Variants in C5orf24 observed in about 807,000 individuals in gnomAD.
C5orf24 encodes chromosome 5 open reading frame 24, also known as UPF0461 protein C5orf24.
Under a neutral mutation model 9.8 loss-of-function variants are expected in C5orf24, and 4 were observed. The observed-to-expected ratio is 0.41, with a 90% CI of 0.20 to 0.93. C5orf24 has a LOEUF of 0.93. C5orf24 is among the 40% of genes least tolerant of loss of function. C5orf24 has a pLI of 0.33. For missense variants in C5orf24, 170 were observed against 236.9 expected (o/e 0.72, Z 1.85); for synonymous variants, 73 against 81.3 (o/e 0.90, Z 0.55).
chr5:134,837,056 C>G, the C5orf24 span, among the ~76,000 whole-genome samples: 1 of 152,096 alleles, frequency 6.6e-6, no homozygotes, highest in Non-Finnish European at 1.5e-5. Flanking sequence ...TCACTGCAAC[C>G]TCCGCCTCCC....
chr5:134,839,291 G>C, the C5orf24 span, among the ~76,000 whole-genome samples: 1 of 151,906 alleles, frequency 6.6e-6, no homozygotes, highest in Admixed American at 6.6e-5. Context: ...CCAATGATAT[G>C]TTTGATTGTC....
In C5orf24 at chr5:134,855,601, G is replaced by A. The variant is rs1756290302; in HGVS notation, c.*134G>A. On this transcript the variant is annotated 3_prime_UTR_variant, in exon 2 of 2. Transcript: ENST00000394976. ...TGTTTTCCTGTTTGGTTTTTTTCCT[G>A]CTTTTGCTCAAAAACTGCCATATGC... 1 of 1,474,560 alleles carries A rather than the reference G, an allele frequency of 6.8e-7. No homozygotes were observed. Among genetic ancestry groups the A allele is most frequent in the African/African-American group, 1.4e-5 (1 of 70,146 alleles). 91.3% of individuals were successfully genotyped at this position (1,474,560 alleles called of 1,614,324 possible). A position where few individuals can be genotyped will look rare whatever the true frequency, so the allele number is the denominator to read the frequency against.
At chr5:134,838,007 G>A in the C5orf24 span, among the ~76,000 whole-genome samples, 1 of 152,112 alleles carries the variant, frequency 6.6e-6, no homozygotes. Flanking sequence ...AGCACTTTGC[G>A]AGGCAGTGGC....
chr5:134,847,858 C>T (rs985497898), intron 1 of C5orf24, among the ~76,000 whole-genome samples: 34 of 152,230 alleles, frequency 2.2e-4, no homozygotes, highest in African/African-American at 7.9e-4. Context: ...CGCCACCATG[C>T]CTGACTAATT....
Position 134,850,919 on chromosome 5 carries a change from CATATATAT to C in C5orf24, c.-3-3967_-3-3960del, listed in dbSNP as rs201093286. ...AGTTCTCTGATAGATTATGAATGTT[CATATATAT>C]ATATATATATACACACACACACACA... On this transcript the variant is annotated intron_variant, in intron 1 of 1. Transcript: ENST00000394976. Among the ~76,000 whole-genome samples the C allele has an allele frequency of 5.1e-3, 714 of 140,488 alleles. 5 individuals are homozygous for C. Among genetic ancestry groups the C allele is most frequent in the Non-Finnish European group, 7.7e-3 (503 of 65,498 alleles). The allele number at this position is 140,488 out of a possible 152,430, so 92.2% of individuals were successfully genotyped here.
rs184054742 is a variant in C5orf24, at chr5:134,856,003, T to G, written c.*536T>G. The G allele has an allele frequency of 2.9e-5, 29 of 1,002,154 alleles. No individual in the cohort carries two copies. In the East Asian group the frequency reaches 2.7e-3, roughly 94 times the overall value. The allele number at this position is 1,002,154 out of a possible 1,614,324, so 62.1% of individuals were successfully genotyped here. On this transcript the variant is annotated 3_prime_UTR_variant, in exon 2 of 2. Coordinates refer to ENST00000394976, the MANE Select transcript of C5orf24 (RefSeq NM_001135586.1). ...ACATCCACTTCAAATGTTAAAAAAC[T>G]TATTTTTAATGTTTTAGGTTTAAGC...
At chr5:134,837,572 G>T in the C5orf24 span, among the ~76,000 whole-genome samples, 3 of 151,856 alleles carry the variant, frequency 2.0e-5, no homozygotes, top group Admixed American at 6.6e-5. Flanking sequence ...AGGCCTTTGG[G>T]AGGTGATTAT....
chr5:134,837,330 T>G, the C5orf24 span, among the ~76,000 whole-genome samples: 1 of 152,196 alleles, frequency 6.6e-6, no homozygotes, highest in Non-Finnish European at 1.5e-5. Context: ...CTTAGGATTG[T>G]TATGAGGATG....
chr5:134,856,949 G>C lies in C5orf24; in HGVS notation c.*1482G>C. ...AATTAAAAATCTTATTGTGGGTCCAGTGAGACCATCTCATCCAAAAGATTT... is the reference window on the plus strand; with the variant it reads ...AATTAAAAATCTTATTGTGGGTCCACTGAGACCATCTCATCCAAAAGATTT... On this transcript the variant is annotated 3_prime_UTR_variant, in exon 2 of 2. Coordinates refer to ENST00000394976, the MANE Select transcript of C5orf24 (RefSeq NM_001135586.1). 1.0e-6 allele frequency: 1 copy of C among 1,004,118 alleles called. No homozygotes were observed. Among genetic ancestry groups the C allele is most frequent in the Non-Finnish European group, 1.2e-6 (1 of 832,726 alleles). The allele number at this position is 1,004,118 out of a possible 1,614,324, so 62.2% of individuals were successfully genotyped here.
At chr5:134,850,638 A>G (rs1324016792) in intron 1 of C5orf24, among the ~76,000 whole-genome samples, 2 of 150,912 alleles carry the variant, frequency 1.3e-5, no homozygotes, top group African/African-American at 4.9e-5. Context: ...ACACCAGGCT[A>G]ATTTTTTTTT....
rs931692450 is a variant in C5orf24, at chr5:134,846,097, C to T, written c.-119C>T. The stretch of plus-strand genomic sequence containing the variant: ...TCGCTGCCTGCCACTCCGTCTTGGC[C>T]CGTTCTCCGCACCGTGCAGAGGCGG... On this transcript the variant is annotated 5_prime_UTR_variant, in exon 1 of 2. Transcript: ENST00000394976. 6 of 152,376 alleles carry T rather than the reference C, an allele frequency of 3.9e-5. No individual in the cohort carries two copies. The highest frequency in any genetic ancestry group is 7.3e-5 in the Non-Finnish European group (5 of 68,162). The allele number at this position is 152,376 out of a possible 1,614,324, so 9.4% of individuals were successfully genotyped here. A position where few individuals can be genotyped will look rare whatever the true frequency, so the allele number is the denominator to read the frequency against.
At chr5:134,835,506 G>A in the C5orf24 span, among the ~76,000 whole-genome samples, 3 of 152,200 alleles carry the variant, frequency 2.0e-5, no homozygotes, top group Non-Finnish European at 4.4e-5. Flanking sequence ...AATTAGTAGG[G>A]CATGGTGGCA....
rs962175621 is a variant in C5orf24 at position 134,846,017 on chromosome 5, C to G, written c.-199C>G. ...CTTCGTACTGCGTCCGGGGCAGGAC[C>G]GTGCGCGGCGGCCGCGGCGGGTGCT... On this transcript the variant is annotated 5_prime_UTR_variant, in exon 1 of 2. Coordinates refer to ENST00000394976, the MANE Select transcript of C5orf24 (RefSeq NM_001135586.1). 63 of 152,310 alleles carry G rather than the reference C, an allele frequency of 4.1e-4. No individual in the cohort carries two copies. Among genetic ancestry groups the G allele is most frequent in the African/African-American group, 1.2e-3 (48 of 41,468 alleles). 9.4% of individuals were successfully genotyped at this position (152,310 alleles called of 1,614,324 possible). A position where few individuals can be genotyped will look rare whatever the true frequency, so the allele number is the denominator to read the frequency against.
chr5:134,850,605 T>C (rs1435000349), intron 1 of C5orf24, among the ~76,000 whole-genome samples: 1 of 152,032 alleles, frequency 6.6e-6, no homozygotes, highest in African/African-American at 2.4e-5. Flanking sequence ...CCCGAGTAGC[T>C]GGGATTACAG....
intron 1 of C5orf24, among the ~76,000 whole-genome samples, chr5:134,849,622 C>A (rs1047027823): frequency 6.9e-6 from 1 of 144,828 alleles, no homozygotes; most frequent in Non-Finnish European, 1.5e-5. Context: ...AGAAGCCCTG[C>A]ACTTCAGAAA....
intron 1 of C5orf24, among the ~76,000 whole-genome samples, chr5:134,849,926 G>A (rs1756109075): frequency 6.6e-6 from 1 of 151,916 alleles, no homozygotes; most frequent in African/African-American, 2.4e-5. Flanking sequence ...CCAAAGTGCT[G>A]GGAGTACAGG....
rs2150178071 is a variant in C5orf24, at chr5:134,857,912, T to C, written c.*2445T>C. 1 of 167,238 alleles carries C rather than the reference T, an allele frequency of 6.0e-6. No homozygotes were observed. Among genetic ancestry groups the C allele is most frequent in the East Asian group, 1.9e-4 (1 of 5,198 alleles). 10.4% of individuals were successfully genotyped at this position (167,238 alleles called of 1,614,324 possible). A position where few individuals can be genotyped will look rare whatever the true frequency, so the allele number is the denominator to read the frequency against. On this transcript the variant is annotated 3_prime_UTR_variant, in exon 2 of 2. Transcript: ENST00000394976. ...TTTTCCTTCCTTATTTTGTTATACA[T>C]ACCCTTCCCTTTCTCCCCTGCCTTT...
At position 134,855,354 on chromosome 5, in the gene C5orf24, G is replaced by C; in HGVS notation, c.454G>C (p.Ala152Pro). The C allele has an allele frequency of 6.2e-7, 1 of 1,614,180 alleles. No homozygotes were observed. Among genetic ancestry groups the C allele is most frequent in the Non-Finnish European group, 8.5e-7 (1 of 1,180,034 alleles). The change falls in exon 2 of 2, where the codon GCC (alanine) becomes CCC (proline). Residue 152 changes from alanine (A) to proline (P), a missense_variant. Physicochemically the swap from Ala to Pro is conservative, Grantham distance 27. This residue lies in a region of C5orf24 where 56 missense variants were observed against 60.3 expected (regional missense o/e 0.93). Coordinates refer to ENST00000394976, the MANE Select transcript of C5orf24 (RefSeq NM_001135586.1). Reference sequence around the variant, plus strand: ...TAGCATTAAAGCTCTATCCCGTCTTGCCGATCTTGGTTATGGCTGTGGCAC... The same window carrying C: ...TAGCATTAAAGCTCTATCCCGTCTTCCCGATCTTGGTTATGGCTGTGGCAC... The part of the protein sequence containing the change: ...PGSIKALSRL[A>P]DLGYGCGTAA...
chr5:134,853,119 C>G (rs1561887332), intron 1 of C5orf24, among the ~76,000 whole-genome samples: 1 of 149,728 alleles, frequency 6.7e-6, no homozygotes, highest in South Asian at 2.1e-4. Context: ...GAGCTGAGAT[C>G]GCGCTACTGC....
Sources: allele counts gnomAD v4.1 joint callset (sites outside exome capture counted in the v4.1 genomes callset), GRCh38; gene constraint gnomAD v4.1.1; regional missense constraint gnomAD v4.1.1; transcripts MANE v1.5; gene names NCBI Gene and HGNC (gene_info 2026-07-23, HGNC 2026-07-21).